Variants in PACRG observed in about 807,000 individuals in gnomAD.
PACRG encodes the protein parkin coregulated.
Under a neutral mutation model 29.7 loss-of-function variants are expected in PACRG, and 29 were observed. That is an observed-to-expected ratio of 0.98 (90% CI 0.73 to 1.33). The LOEUF is 1.33. PACRG is among the 40% of genes most tolerant of loss of function. The probability of loss-of-function intolerance (pLI) is 0.00; values close to 1 mark genes in which losing one functional copy is unlikely to be tolerated. For synonymous variants in PACRG, 116 were observed against 118.7 expected, an observed-to-expected ratio of 0.98 and a Z score of 0.15; for missense variants, 279 against 316.2, an observed-to-expected ratio of 0.88 and a Z score of 0.89.
intron 3 of PACRG, among the ~76,000 whole-genome samples, chr6:163,083,681 A>G (rs556240271): frequency 6.6e-6 from 1 of 152,086 alleles, no homozygotes; most frequent in African/African-American, 2.4e-5. Context: ...TGCCGTGCCC[A>G]TTTTTTTAAT....
At chr6:163,012,106 A>G (rs1805669705) in intron 2 of PACRG, among the ~76,000 whole-genome samples, 1 of 152,242 alleles carries the variant, frequency 6.6e-6, no homozygotes, top group Non-Finnish European at 1.5e-5. Flanking sequence ...GTGTTTCATG[A>G]GGACAAGGAG....
intron 2 of PACRG, among the ~76,000 whole-genome samples, chr6:163,017,303 A>G (rs746189046): frequency 1.3e-5 from 2 of 152,208 alleles, no homozygotes; most frequent in Non-Finnish European, 2.9e-5. Flanking sequence ...TTCAGAGTAT[A>G]TAATCGGATT....
intron 2 of PACRG, among the ~76,000 whole-genome samples, chr6:162,962,348 A>G (rs9458685): frequency 0.16 from 23,655 of 152,088 alleles, 3,225 homozygotes; most frequent in African/African-American, 0.36. Flanking sequence ...GAATGAGTGC[A>G]TTTGTTTTTC....
chr6:162,868,603 C>G (rs996506435), intron 2 of PACRG, among the ~76,000 whole-genome samples: 1 of 152,160 alleles, frequency 6.6e-6, no homozygotes, highest in Non-Finnish European at 1.5e-5. Flanking sequence ...CAGCCCCGCC[C>G]CATGCAGGTG....
Position 162,777,317 on chromosome 6 carries a change from G to A in PACRG, c.157-36830G>A, listed in dbSNP as rs918811442. On this transcript the variant is annotated intron_variant, in intron 1 of 4. Coordinates refer to ENST00000366888, the MANE Select transcript of PACRG (RefSeq NM_001080379.2). The surrounding 1 kb of genome is among the most constrained non-coding windows in gnomAD (Gnocchi z 4.0). Reference sequence around the variant, plus strand: ...CTGCTGTGTTCCCTGTGGCACCTTCGCAGACTGAGTGGCTTGGCATTTGGC... The same window carrying A: ...CTGCTGTGTTCCCTGTGGCACCTTCACAGACTGAGTGGCTTGGCATTTGGC... Among the ~76,000 whole-genome samples the A allele has an allele frequency of 1.3e-5, 2 of 152,148 alleles. No homozygotes were observed. Among genetic ancestry groups the A allele is most frequent in the African/African-American group, 2.4e-5 (1 of 41,428 alleles).
intron 4 of PACRG, among the ~76,000 whole-genome samples, chr6:163,239,667 A>ACCCCCCCCCCC (rs1379516869): frequency 9.9e-6 from 1 of 101,336 alleles, no homozygotes; most frequent in African/African-American, 4.0e-5. Flanking sequence ...ACACACCCAC[A>ACCCCCCCCCCC]CCCCCCACCC....
At chr6:162,849,204 A>G (rs958075441) in intron 2 of PACRG, among the ~76,000 whole-genome samples, 2 of 152,204 alleles carry the variant, frequency 1.3e-5, no homozygotes, top group African/African-American at 2.4e-5. Flanking sequence ...GTTAAAAAGA[A>G]AAAAGGACCC....
At chr6:162,947,623 T>TC (rs1562767460) in intron 2 of PACRG, among the ~76,000 whole-genome samples, 6 of 33,860 alleles carry the variant, frequency 1.8e-4, no homozygotes, top group Admixed American at 3.4e-4. Context: ...TATATATATA[T>TC]ATATATATAT....
intron 4 of PACRG, among the ~76,000 whole-genome samples, chr6:163,166,688 G>GA (rs1486708237): frequency 1.3e-5 from 2 of 152,110 alleles, no homozygotes; most frequent in African/African-American, 4.8e-5. Context: ...CATGAAGTCT[G>GA]AAAAAAGAAT....
intron 4 of PACRG, among the ~76,000 whole-genome samples, chr6:163,110,141 A>T (rs1815629912): frequency 6.6e-6 from 1 of 152,216 alleles, no homozygotes; most frequent in African/African-American, 2.4e-5. Context: ...GAAAGGGCAG[A>T]GGAAAACATG....
intron 2 of PACRG, among the ~76,000 whole-genome samples, chr6:162,993,147 A>T (rs1355863498): frequency 2.0e-5 from 3 of 150,664 alleles, no homozygotes; most frequent in African/African-American, 7.4e-5. Flanking sequence ...TGCTGAGGAG[A>T]GCTTTACTTC....
chr6:163,212,211 G>A lies in PACRG; in HGVS notation c.614-102616G>A, dbSNP rs139968176. On this transcript the variant is annotated intron_variant, in intron 4 of 4. Transcript: ENST00000366888. ...TACTCTGGGGTATTGGATTAGAGTT[G>A]AGATACTGGCATAAACTCATGATTT... is the stretch of plus-strand genomic sequence containing the variant. 3.6e-3 allele frequency among the ~76,000 whole-genome samples: 554 copies of A among 152,310 alleles called. 5 individuals carry two copies. The highest frequency in any genetic ancestry group is 0.013 in the African/African-American group (531 of 41,558).
At chr6:162,933,630 A>T (rs1798022380) in intron 2 of PACRG, among the ~76,000 whole-genome samples, 6 of 113,298 alleles carry the variant, frequency 5.3e-5, no homozygotes, top group East Asian at 6.0e-4. Flanking sequence ...TTTTTACTTA[A>T]AGTCTGTTTT....
chr6:163,102,625 G>A (rs1283356713), intron 4 of PACRG, among the ~76,000 whole-genome samples: 1 of 152,132 alleles, frequency 6.6e-6, no homozygotes, highest in East Asian at 1.9e-4. Flanking sequence ...TCTTTGCTAA[G>A]GACCACGTGA....
chr6:162,849,541 A>G (rs1246748630), intron 2 of PACRG, among the ~76,000 whole-genome samples: 1 of 152,206 alleles, frequency 6.6e-6, no homozygotes, highest in African/African-American at 2.4e-5. Context: ...GATATGGGTG[A>G]TCTGCTCAGG....
chr6:163,080,598 A>C (rs1812990590), intron 3 of PACRG, among the ~76,000 whole-genome samples: 1 of 152,248 alleles, frequency 6.6e-6, no homozygotes, highest in Non-Finnish European at 1.5e-5. Flanking sequence ...GTAACTGAAT[A>C]CTTTCATTTA....
chr6:162,751,794 G>A (rs973075481), intron 1 of PACRG, among the ~76,000 whole-genome samples: 2 of 152,080 alleles, frequency 1.3e-5, no homozygotes, highest in Non-Finnish European at 1.5e-5. Context: ...TATTATAATT[G>A]TCTGCCATCT....
chr6:163,041,119 C>T (rs1016015201), intron 2 of PACRG, among the ~76,000 whole-genome samples: 8 of 151,972 alleles, frequency 5.3e-5, no homozygotes, highest in South Asian at 2.1e-4. Flanking sequence ...GGGCGGATCA[C>T]GAGGTCAGGA....
chr6:162,891,177 C>A (rs1794727904), intron 2 of PACRG, among the ~76,000 whole-genome samples: 1 of 152,144 alleles, frequency 6.6e-6, no homozygotes, highest in South Asian at 2.1e-4. Flanking sequence ...CCAGTCTGAC[C>A]CCAGCAGCAC....
Sources: gnomAD v4.1 joint callset for allele counts (sites outside exome capture counted in the v4.1 genomes callset) on GRCh38, gnomAD v4.1.1 for gene constraint, Gnocchi (gnomAD v3.1) non-coding constraint, MANE v1.5 for transcripts, NCBI Gene and HGNC (gene_info 2026-07-23, HGNC 2026-07-21) for gene names.